TMEM131: variants seen among roughly 807,000 people sequenced by gnomAD.
TMEM131 encodes 2610524E03Rik.
A neutral mutation model predicts 211.6 loss-of-function variants in TMEM131; 66 were observed. That is an observed-to-expected ratio of 0.31 (90% CI 0.26 to 0.38). TMEM131 has a LOEUF of 0.38. TMEM131 is among the 10% of genes least tolerant of loss of function. TMEM131 has a pLI of 1.00. For synonymous variants in TMEM131, 844 were observed against 841.3 expected, an observed-to-expected ratio of 1.00 and a Z score of -0.06; for missense variants, 2,036 against 2,299.3, an observed-to-expected ratio of 0.89 and a Z score of 2.34.
chr2:97,840,474 C>T (rs1348456052), intron 7 of TMEM131, among the ~76,000 whole-genome samples: 2 of 152,182 alleles, frequency 1.3e-5, no homozygotes, highest in Admixed American at 6.5e-5. Context: ...CCTGTCATCT[C>T]GGCACTTTGG....
Position 97,884,587 on chromosome 2 carries a change from A to G in TMEM131, c.359+3465T>C, listed in dbSNP as rs142985269. ...CCTTTAGATCTAATAGTTGCTTTTT[A>G]TATCTGGGTGCTCTAGTGCTAGGTG... is the stretch of plus-strand genomic sequence containing the variant. On this transcript the variant is annotated intron_variant, in intron 4 of 40. Transcript: ENST00000186436. 4.4e-4 allele frequency among the ~76,000 whole-genome samples: 67 copies of G among 152,224 alleles called. 1 individual carries two copies. The highest frequency in any genetic ancestry group is 3.4e-3 in the Admixed American group (52 of 15,296).
Position 97,792,397 on chromosome 2 carries a change from G to A in TMEM131, c.4133C>T (p.Pro1378Leu). ...TGGGAGATGATTACCTTTGCTTTTT[G>A]GCAATGGCGATGGAGGCTGCTCTGT... ...VFTEQPPSPLPKSKGKGKPLQ... is the reference protein window; with the variant it reads ...VFTEQPPSPLLKSKGKGKPLQ... Residue 1378 changes from proline to leucine, a missense_variant, in exon 31 of 41, where the codon CCA (proline) becomes CTA (leucine). Transcript: ENST00000186436. 1.3e-6 allele frequency: 2 copies of A among 1,569,464 alleles called. No individual in the cohort carries two copies. Among genetic ancestry groups the A allele is most frequent in the Non-Finnish European group, 1.7e-6 (2 of 1,156,304 alleles).
At chr2:97,872,986 T>G (rs1305706317) in intron 4 of TMEM131, among the ~76,000 whole-genome samples, 1 of 152,128 alleles carries the variant, frequency 6.6e-6, no homozygotes, top group African/African-American at 2.4e-5. Context: ...CAAACTAAGA[T>G]TCACTGGCTT....
chr2:97,867,859 T>C (rs1472910189), intron 4 of TMEM131, among the ~76,000 whole-genome samples: 1 of 152,262 alleles, frequency 6.6e-6, no homozygotes, highest in East Asian at 1.9e-4. Flanking sequence ...GGGTATGTGG[T>C]GGGGAGCATA....
Position 97,943,037 on chromosome 2 carries a change from A to AAAGAAAAG in TMEM131, c.188-15551_188-15550insCTTTTCTT, listed in dbSNP as rs774698137. ...AAAAGAAAAGAAAAGAAAAGAAAAG[A>AAAGAAAAG]AAAGAAAGAAAGAAAGAAAGAAAGA... On this transcript the variant is annotated intron_variant, in intron 1 of 40. Transcript: ENST00000186436. 4.9e-3 allele frequency among the ~76,000 whole-genome samples: 322 copies of AAAGAAAAG among 65,964 alleles called. 3 individuals carry two copies. The highest frequency in any genetic ancestry group is 0.017 in the African/African-American group (270 of 16,360). The allele number at this position is 65,964 out of a possible 152,430, so 43.3% of individuals were successfully genotyped here. A position where few individuals can be genotyped will look rare whatever the true frequency, so the allele number is the denominator to read the frequency against.
chr2:97,873,872 T>C (rs1255806452), intron 4 of TMEM131, among the ~76,000 whole-genome samples: 1 of 152,206 alleles, frequency 6.6e-6, no homozygotes, highest in African/African-American at 2.4e-5. Context: ...GAGAATGAGT[T>C]TGACGAACTG....
chr2:97,783,503 G>C (rs1680109677), intron 31 of TMEM131, among the ~76,000 whole-genome samples: 2 of 152,136 alleles, frequency 1.3e-5, no homozygotes, highest in African/African-American at 4.8e-5. Flanking sequence ...ACAACTGGGG[G>C]AAAGCAAAGA....
chr2:97,844,529 TACCTA>T (rs1296642530), intron 5 of TMEM131, among the ~76,000 whole-genome samples: 1 of 152,184 alleles, frequency 6.6e-6, no homozygotes, highest in Non-Finnish European at 1.5e-5. Context: ...TGGCATGAAG[TACCTA>T]ATTACAGGCT....
At chr2:97,854,769 T>C (rs909649348) in intron 5 of TMEM131, among the ~76,000 whole-genome samples, 2 of 152,182 alleles carry the variant, frequency 1.3e-5, no homozygotes, top group African/African-American at 4.8e-5. Context: ...CAATGGAGAC[T>C]TTATACTGCT....
intron 1 of TMEM131, among the ~76,000 whole-genome samples, chr2:97,962,919 T>C (rs996121264): frequency 6.6e-6 from 1 of 152,240 alleles, no homozygotes; most frequent in Non-Finnish European, 1.5e-5. Context: ...GCATGTAGTA[T>C]GATTCCATTT....
At position 97,939,218 on chromosome 2, in the gene TMEM131, C is replaced by CA. The variant is rs1020593584; in HGVS notation, c.188-11732dup. On this transcript the variant is annotated intron_variant, in intron 1 of 40. Transcript: ENST00000186436. ...GGAGATACAGACAAAAAAAACCCTTCAAAAAATCAATGAATCCAGGAGCTG... is the reference window on the plus strand; with the variant it reads ...GGAGATACAGACAAAAAAAACCCTTCAAAAAAATCAATGAATCCAGGAGCTG... Among the ~76,000 whole-genome samples the CA allele has an allele frequency of 1.6e-3, 245 of 152,152 alleles. 3 individuals carry two copies. The highest frequency in any genetic ancestry group is 5.5e-3 in the African/African-American group (228 of 41,536).
chr2:97,805,042 G>A, intron 22 of TMEM131, 46 bp downstream of exon 22: 4 of 1,285,184 alleles, frequency 3.1e-6, no homozygotes, highest in Non-Finnish European at 4.3e-6. Context: ...TGTTTCAATA[G>A]TCATCTTGTA....
intron 1 of TMEM131, among the ~76,000 whole-genome samples, chr2:97,937,860 G>C (rs1677516748): frequency 6.6e-6 from 1 of 152,214 alleles, no homozygotes; most frequent in Admixed American, 6.5e-5. Flanking sequence ...AGCCAGAAGA[G>C]AGTGGGGGCC....
chr2:97,806,304 AG>A (rs1482566143), intron 19 of TMEM131, among the ~76,000 whole-genome samples: 4 of 152,216 alleles, frequency 2.6e-5, no homozygotes, highest in Non-Finnish European at 4.4e-5. Flanking sequence ...TGGGAGGCTA[AG>A]GTGGGTGGAT....
At chr2:97,980,902 AAG>A (rs913359632) in intron 1 of TMEM131, among the ~76,000 whole-genome samples, 9 of 152,108 alleles carry the variant, frequency 5.9e-5, no homozygotes, top group South Asian at 2.1e-4. Context: ...AGTGGTTGAC[AAG>A]AGTCAGAAGT....
chr2:97,766,660 A>G (rs1679183271), intron 33 of TMEM131, 58 bp from the exon 34 acceptor site: 2 of 1,589,802 alleles, frequency 1.3e-6, no homozygotes, highest in East Asian at 4.5e-5. Context: ...GGAGGACAGA[A>G]GTCATTAAGA....
intron 5 of TMEM131, among the ~76,000 whole-genome samples, chr2:97,857,655 C>T (rs1374928574): frequency 2.0e-5 from 3 of 152,156 alleles, no homozygotes; most frequent in African/African-American, 7.2e-5. Context: ...GGTTTCATTA[C>T]ACATAAATAC....
intron 4 of TMEM131, among the ~76,000 whole-genome samples, chr2:97,868,052 G>T (rs1275574461): frequency 6.6e-6 from 1 of 152,156 alleles, no homozygotes; most frequent in Admixed American, 6.5e-5. Context: ...AAAATCCCAT[G>T]CCCTAAGGGT....
chr2:97,962,985 A>G (rs1051197539), intron 1 of TMEM131, among the ~76,000 whole-genome samples: 4 of 152,356 alleles, frequency 2.6e-5, no homozygotes, highest in Admixed American at 6.5e-5. Flanking sequence ...GCAGAGCAAT[A>G]GTTGTTGCCT....
Sources: allele counts gnomAD v4.1 joint callset (sites outside exome capture counted in the v4.1 genomes callset), GRCh38; gene constraint gnomAD v4.1.1; transcripts MANE v1.5; gene names NCBI Gene and HGNC (gene_info 2026-07-23, HGNC 2026-07-21).